SH3TC1: variants seen among roughly 807,000 people sequenced by gnomAD.
SH3TC1 encodes the protein SH3 domain and tetratricopeptide repeat-containing protein 1.
Under a neutral mutation model 117.3 loss-of-function variants are expected in SH3TC1, and 135 were observed. That is an observed-to-expected ratio of 1.15 (90% CI 1.00 to 1.33). The LOEUF is 1.33. Among genes scored for constraint, SH3TC1 ranks in the 40% most tolerant of loss-of-function variants. The probability of loss-of-function intolerance (pLI) is 0.00; values close to 1 mark genes in which losing one functional copy is unlikely to be tolerated. For synonymous variants in SH3TC1, 898 were observed against 816.9 expected (o/e 1.10, Z -1.69); for missense variants, 2,092 against 1,794.3 (o/e 1.17, Z -3.00).
Position 8,210,673 on chromosome 4 carries a change from G to T in SH3TC1, c.247+851G>T, listed in dbSNP as rs972737399. Among the ~76,000 whole-genome samples the T allele has an allele frequency of 7.6e-6, 1 of 130,758 alleles. No homozygotes were observed. The highest frequency in any genetic ancestry group is 2.9e-5 in the African/African-American group (1 of 34,726). The allele number at this position is 130,758 out of a possible 152,430, so 85.8% of individuals were successfully genotyped here. A position where few individuals can be genotyped will look rare whatever the true frequency, so the allele number is the denominator to read the frequency against. On this transcript the variant is annotated intron_variant, in intron 3 of 17. Coordinates refer to ENST00000245105, the MANE Select transcript of SH3TC1 (RefSeq NM_018986.5). The surrounding 1 kb of genome is among the most constrained non-coding windows in gnomAD (Gnocchi z 4.1). The stretch of plus-strand genomic sequence containing the variant: ...AGCTATTTGGGAGGCTGAGGCAGAA[G>T]AATCACTTGAACCCAGGAGGCAGAG...
chr4:8,218,685 C>T (rs1445347356), intron 8 of SH3TC1, among the ~76,000 whole-genome samples: 1 of 152,254 alleles, frequency 6.6e-6, no homozygotes, highest in Non-Finnish European at 1.5e-5. Flanking sequence ...TGCAACCCAA[C>T]AGTCTCAGAG....
intron 1 of SH3TC1, among the ~76,000 whole-genome samples, chr4:8,184,749 A>C (rs950220860): frequency 6.6e-6 from 1 of 152,170 alleles, no homozygotes; most frequent in Admixed American, 6.5e-5. Context: ...TCACAGACTT[A>C]GTGGAACTTT....
intron 6 of SH3TC1, 55 bp downstream of exon 6, chr4:8,216,312 C>A: frequency 6.3e-7 from 1 of 1,578,330 alleles, no homozygotes; most frequent in Admixed American, 1.7e-5. Flanking sequence ...CACTCCCGGG[C>A]CATGGGGTGA....
In SH3TC1 at chr4:8,229,928, C is replaced by T. The variant is rs1480089210; in HGVS notation, c.2950+1284C>T. Among the ~76,000 whole-genome samples, 5 of 149,324 alleles carry T rather than the reference C, an allele frequency of 3.3e-5. No homozygotes were observed. The South Asian group carries it at 6.6e-4, about 20-fold the overall frequency. ...CATGCTTCCCTGTCTCCCCACCCCG[C>T]GTTGAACAGTCGAGGAGACCGGGGG... On this transcript the variant is annotated intron_variant, in intron 12 of 17. Transcript: ENST00000245105.
chr4:8,194,418 T>TC (rs74550231), upstream of SH3TC1, among the ~76,000 whole-genome samples: 32,353 of 152,110 alleles, frequency 0.21, 3,520 homozygotes, highest in East Asian at 0.32. Context: ...AGAAATCGTG[T>TC]CCTGGCACCT....
At chr4:8,229,712 G>A (rs1720951708) in intron 12 of SH3TC1, among the ~76,000 whole-genome samples, 1 of 151,892 alleles carries the variant, frequency 6.6e-6, no homozygotes. Flanking sequence ...GAGGAGTGGG[G>A]GGGTTCAGAC....
intron 1 of SH3TC1, among the ~76,000 whole-genome samples, chr4:8,189,984 G>A (rs1478607405): frequency 2.6e-5 from 4 of 152,206 alleles, no homozygotes; most frequent in Admixed American, 6.5e-5. Flanking sequence ...GCTTGGCCAC[G>A]TGGAAAACAC....
chr4:8,235,493 G>A lies in SH3TC1; in HGVS notation c.3343G>A (p.Ala1115Thr), dbSNP rs1578750865. Residue 1115 changes from alanine to threonine, a missense_variant, in exon 15 of 18, where the codon GCG becomes ACG. Ala to Thr is a moderately conservative substitution (Grantham distance 58). Coordinates refer to ENST00000245105, the MANE Select transcript of SH3TC1 (RefSeq NM_018986.5). ...CAACCTGGGGCTGGAGCTGTTTGAG[G>A]CGGCTGGAGACATCTTCTTCGACGG... ...DPNLGLELFEAAGDIFFDGAW... is the reference protein window; with the variant it reads ...DPNLGLELFETAGDIFFDGAW... 1.2e-6 allele frequency: 2 copies of A among 1,606,150 alleles called. No homozygotes were observed. The highest frequency in any genetic ancestry group is 1.7e-6 in the Non-Finnish European group (2 of 1,175,468).
At chr4:8,240,650 G>A in intron 17 of SH3TC1, 48 bp from the exon 18 acceptor site, 2 of 1,609,086 alleles carry the variant, frequency 1.2e-6, no homozygotes, top group South Asian at 2.2e-5. Context: ...CCTCTGGGGA[G>A]ACTGGCTCCG....
In SH3TC1 at chr4:8,211,866, G is replaced by A. The variant is rs141772707; in HGVS notation, c.248-835G>A. ...CGTGCCCACCCCTGCGGAAGATTCC[G>A]CTGGATGGTGCCACAGGGATGGCCC... On this transcript the variant is annotated intron_variant, in intron 3 of 17. Transcript: ENST00000245105. 7.3e-3 allele frequency among the ~76,000 whole-genome samples: 1,115 copies of A among 152,216 alleles called. 10 individuals carry two copies. The highest frequency in any genetic ancestry group is 7.9e-3 in the African/African-American group (327 of 41,480).
At chr4:8,204,937 G>A (rs543553892) in intron 1 of SH3TC1, 5 of 356,124 alleles carry the variant, frequency 1.4e-5, no homozygotes, top group African/African-American at 4.2e-5. Context: ...AGGAGGCCCC[G>A]TGGAGGAAGG....
upstream of SH3TC1, among the ~76,000 whole-genome samples, chr4:8,195,136 G>A (rs890096123): frequency 5.3e-5 from 8 of 152,222 alleles, no homozygotes; most frequent in African/African-American, 1.9e-4. Context: ...AGCTGGTGGC[G>A]CCATCAGCAA....
chr4:8,240,556 C>A, intron 17 of SH3TC1, 142 bp from the exon 18 acceptor site: 1 of 1,357,884 alleles, frequency 7.4e-7, no homozygotes, highest in East Asian at 2.3e-5. Flanking sequence ...TGCAGCTGAG[C>A]CCACAGCAGT....
At chr4:8,217,925 C>T (rs1340549904) in intron 7 of SH3TC1, among the ~76,000 whole-genome samples, 1 of 152,008 alleles carries the variant, frequency 6.6e-6, no homozygotes, top group African/African-American at 2.4e-5. Context: ...GCCTCCAGAG[C>T]CCCAGGCTGG....
chr4:8,190,026 C>T lies in SH3TC1; in HGVS notation c.-57+7816C>T, dbSNP rs1008803637. On this transcript the variant is annotated intron_variant, in intron 1 of 16. Transcript: ENST00000508641. The surrounding 1 kb of genome is among the most constrained non-coding windows in gnomAD (Gnocchi z 4.7). ...CCTGTGCCTGGGTAGTTTTGGGGAG[C>T]GCGGCGTGGGTGCGTTGATGCGAGG... Among the ~76,000 whole-genome samples, 6 of 152,112 alleles carry T rather than the reference C, an allele frequency of 3.9e-5. No homozygotes were observed. Among genetic ancestry groups the T allele is most frequent in the South Asian group, 2.1e-4 (1 of 4,834 alleles).
chr4:8,220,673 G>A (rs1054285385), intron 9 of SH3TC1, among the ~76,000 whole-genome samples: 1 of 152,140 alleles, frequency 6.6e-6, no homozygotes, highest in South Asian at 2.1e-4. Context: ...TGTGATCCTG[G>A]TCCTGGCCCC....
chr4:8,233,239 T>G (rs1318874770), intron 13 of SH3TC1, 124 bp from the exon 14 acceptor site: 1 of 1,454,290 alleles, frequency 6.9e-7, no homozygotes, highest in East Asian at 2.4e-5. Flanking sequence ...GGCAGGACAC[T>G]GCACACACAA....
chr4:8,184,179 G>GA (rs1196450342), intron 1 of SH3TC1, among the ~76,000 whole-genome samples: 2 of 152,176 alleles, frequency 1.3e-5, no homozygotes, highest in Non-Finnish European at 2.9e-5. Flanking sequence ...GGTTAAATGT[G>GA]AGTTCATACT....
intron 1 of SH3TC1, among the ~76,000 whole-genome samples, chr4:8,203,784 G>A (rs571308279): frequency 9.2e-5 from 14 of 152,176 alleles, no homozygotes; most frequent in Admixed American, 1.3e-4. Flanking sequence ...CCAGGTGCTC[G>A]ATGTCCAGGG....
Sources: gnomAD v4.1 joint callset for allele counts (sites outside exome capture counted in the v4.1 genomes callset) on GRCh38, gnomAD v4.1.1 for gene constraint, Gnocchi (gnomAD v3.1) non-coding constraint, MANE v1.5 for transcripts, NCBI Gene and HGNC (gene_info 2026-07-23, HGNC 2026-07-21) for gene names.